Variants in TBC1D15 observed in about 807,000 individuals in gnomAD.
TBC1D15 encodes the protein GAP for RAB7.
Under a neutral mutation model 95.4 loss-of-function variants are expected in TBC1D15, and 39 were observed. The ratio of observed to expected loss-of-function variants is 0.41; its 90% confidence interval spans 0.32 to 0.53. TBC1D15 has a LOEUF of 0.53. Ranked by LOEUF, TBC1D15 falls within the 20% of genes least tolerant of loss-of-function variation. The pLI is 0.29. For synonymous variants in TBC1D15, 258 were observed against 261.3 expected (o/e 0.99, Z 0.12); for missense variants, 733 against 794.3 (o/e 0.92, Z 0.93).
In TBC1D15 at chr12:71,869,379, C is replaced by T. The variant is rs184079908; in HGVS notation, c.31-2691C>T. On this transcript the variant is annotated intron_variant, in intron 1 of 16. Coordinates refer to ENST00000485960, the MANE Select transcript of TBC1D15 (RefSeq NM_001146213.3). ...CTCTACTAAAAACAGAAAAATTAGT[C>T]GGGCATGGTGGTGCATGCTTGTAAT... Among the ~76,000 whole-genome samples the T allele has an allele frequency of 9.2e-5, 14 of 152,172 alleles. No individual in the cohort carries two copies. In the East Asian group the frequency reaches 1.7e-3, roughly 19 times the overall value.
At chr12:71,908,462 A>C (rs1901362112) in intron 11 of TBC1D15, among the ~76,000 whole-genome samples, 1 of 152,212 alleles carries the variant, frequency 6.6e-6, no homozygotes, top group African/African-American at 2.4e-5. Context: ...TTGGATACTT[A>C]GCACATTAAA....
chr12:71,884,622 A>G (rs904575231), intron 4 of TBC1D15, among the ~76,000 whole-genome samples, 189 bp from the exon 5 acceptor site: 1 of 152,152 alleles, frequency 6.6e-6, no homozygotes, highest in Non-Finnish European at 1.5e-5. Flanking sequence ...TAGGATAATT[A>G]TTTTAAAAAT....
chr12:71,894,179 T>A (rs1897733911), intron 6 of TBC1D15: 1 of 669,668 alleles, frequency 1.5e-6, no homozygotes, highest in Admixed American at 2.9e-5. Context: ...AATAAATTAT[T>A]CTTGTTGGCA....
intron 12 of TBC1D15, among the ~76,000 whole-genome samples, chr12:71,914,338 G>T (rs1487918875): frequency 1.3e-5 from 2 of 151,912 alleles, no homozygotes; most frequent in African/African-American, 2.4e-5. Context: ...TGTCATTATA[G>T]TAACTGATTT....
intron 12 of TBC1D15, among the ~76,000 whole-genome samples, chr12:71,914,936 A>G (rs1438973716): frequency 2.0e-5 from 3 of 151,880 alleles, no homozygotes; most frequent in African/African-American, 7.3e-5. Context: ...TCTTGTCCAT[A>G]GATTCAACTT....
At chr12:71,902,444 T>A (rs779053413) in intron 10 of TBC1D15, among the ~76,000 whole-genome samples, 1 of 152,178 alleles carries the variant, frequency 6.6e-6, no homozygotes, top group Non-Finnish European at 1.5e-5. Flanking sequence ...AGCCATCTGA[T>A]CTTCGACAGA....
At chr12:71,858,016 T>G (rs1203321110) in intron 1 of TBC1D15, among the ~76,000 whole-genome samples, 1 of 152,160 alleles carries the variant, frequency 6.6e-6, no homozygotes, top group Non-Finnish European at 1.5e-5. Context: ...AACGACAGGA[T>G]TTTTTTCATT....
At chr12:71,877,605 AT>A (rs1352807240) in intron 3 of TBC1D15, among the ~76,000 whole-genome samples, 2 of 123,790 alleles carry the variant, frequency 1.6e-5, no homozygotes, top group African/African-American at 6.0e-5. Context: ...GGTCTGTACT[AT>A]TTTCTAGGAA....
intron 1 of TBC1D15, among the ~76,000 whole-genome samples, chr12:71,847,055 G>A (rs1886467657): frequency 6.6e-6 from 1 of 151,974 alleles, no homozygotes; most frequent in African/African-American, 2.4e-5. Context: ...ACTGTACCTG[G>A]CCTATACAGC....
At position 71,913,910 on chromosome 12, in the gene TBC1D15, C is replaced by G. The variant is rs1903050189; in HGVS notation, c.1385C>G (p.Ser462Cys). The G allele has an allele frequency of 5.0e-6, 8 of 1,589,892 alleles. No homozygotes were observed. Among genetic ancestry groups the G allele is most frequent in the Non-Finnish European group, 5.1e-6 (6 of 1,171,540 alleles). The change falls in exon 12 of 17, where the codon TCT becomes TGT. Residue 462 changes from serine to cysteine, a missense_variant. Physicochemically the swap from Ser to Cys is moderately radical, Grantham distance 112. Transcript: ENST00000485960. ...GTGGATGCCTTTTGGTGCTTTGCCT[C>G]TTACATGGACCAAATGGTAAGAACA... ...NEVDAFWCFA[S>C]YMDQMHQNFE...
chr12:71,859,722 C>T (rs1889963999), intron 1 of TBC1D15, among the ~76,000 whole-genome samples: 5 of 152,182 alleles, frequency 3.3e-5, no homozygotes, highest in Admixed American at 3.3e-4. Flanking sequence ...ATTCTTCTGC[C>T]TCAGCCTCCC....
Position 71,921,454 on chromosome 12 carries a change from G to C in TBC1D15, c.1803G>C (p.Lys601Asn), listed in dbSNP as rs772843422. The C allele has an allele frequency of 8.0e-6, 12 of 1,504,476 alleles. No homozygotes were observed. Among genetic ancestry groups the C allele is most frequent in the Non-Finnish European group, 3.6e-6 (4 of 1,111,194 alleles). The allele number at this position is 1,504,476 out of a possible 1,614,324, so 93.2% of individuals were successfully genotyped here. ...EAISLQMVKC[K>N]ELPQAVCEIL... ...TTTCTCTACAGATGGTAAAATGCAA[G>C]GTATACAGTGTTTCAAGTAATTGCA... Residue 601 changes from lysine to asparagine, a missense_variant and splice_region_variant, in exon 16 of 17, where the codon AAG (lysine) becomes AAC (asparagine). Physicochemically the swap from Lys to Asn is moderately conservative, Grantham distance 94 (BLOSUM62 0). Transcript: ENST00000485960.
intron 10 of TBC1D15, among the ~76,000 whole-genome samples, chr12:71,906,245 AC>A: frequency 6.6e-6 from 1 of 152,340 alleles, no homozygotes; most frequent in Admixed American, 6.5e-5. Context: ...GGCAGTTATC[AC>A]TTTTAAACAA....
chr12:71,849,557 G>T, intron 1 of TBC1D15: 1 of 701,630 alleles, frequency 1.4e-6, no homozygotes. Flanking sequence ...TCACGTTACA[G>T]TGGCTGTCCA....
chr12:71,852,201 C>G lies in TBC1D15; in HGVS notation c.30+12390C>G, dbSNP rs532990025. Among the ~76,000 whole-genome samples the G allele has an allele frequency of 2.8e-4, 43 of 152,326 alleles. 1 individual carries two copies. In the East Asian group the frequency reaches 7.5e-3, roughly 27 times the overall value. On this transcript the variant is annotated intron_variant, in intron 1 of 16. Coordinates refer to ENST00000485960, the MANE Select transcript of TBC1D15 (RefSeq NM_001146213.3). ...CCTCAAAAGGGCCCAGCAGCCTGAG[C>G]TTTACCTGGGCCCTTTTGAGTCACA...
chr12:71,877,127 C>T (rs1404883447), intron 3 of TBC1D15, among the ~76,000 whole-genome samples: 6 of 151,622 alleles, frequency 4.0e-5, no homozygotes, highest in Non-Finnish European at 8.8e-5. Context: ...GAAGTTTTGC[C>T]TCAGGTTTTC....
Position 71,896,758 on chromosome 12 carries a change from AC to A in TBC1D15, c.1069del (p.Gln357AsnfsTer13), listed in dbSNP as rs1898266884. ...FPWDSTKEER[T>X]QLQKQKTDEY... ...CTGGGACAGTACCAAGGAGGAAAGA[AC>A]CCAATTACAAAAGCAAAAAACGTAA... On this transcript the variant is annotated frameshift_variant, in exon 9 of 17. Coordinates refer to ENST00000485960, the MANE Select transcript of TBC1D15 (RefSeq NM_001146213.3). LOFTEE classifies it high-confidence loss of function. 2 of 1,611,184 alleles carry A rather than the reference AC, an allele frequency of 1.2e-6. No homozygotes were observed. The highest frequency in any genetic ancestry group is 1.7e-5 in the Admixed American group (1 of 59,412).
At chr12:71,871,860 A>T (rs202229571) in intron 1 of TBC1D15, among the ~76,000 whole-genome samples, 1 of 152,276 alleles carries the variant, frequency 6.6e-6, no homozygotes, top group Non-Finnish European at 1.5e-5. Context: ...ATAAACTTTC[A>T]TGCATTAACA....
At chr12:71,907,169 A>T in intron 11 of TBC1D15, 31 bp downstream of exon 11, 1 of 1,298,672 alleles carries the variant, frequency 7.7e-7, no homozygotes, top group South Asian at 1.3e-5. Flanking sequence ...ATTTTAAAAG[A>T]TGTAAATATA....
Sources: allele counts gnomAD v4.1 joint callset (sites outside exome capture counted in the v4.1 genomes callset), GRCh38; gene constraint gnomAD v4.1.1; transcripts MANE v1.5; gene names NCBI Gene and HGNC (gene_info 2026-07-23, HGNC 2026-07-21).